EXOSC4: variants seen among roughly 807,000 people sequenced by gnomAD.
EXOSC4 encodes exosome complex component RRP41.
Under a neutral mutation model 20.0 loss-of-function variants are expected in EXOSC4, and 14 were observed. That is an observed-to-expected ratio of 0.70 (90% confidence interval 0.46 to 1.09). The LOEUF (loss-of-function observed/expected upper bound fraction) is 1.09. Among genes scored for constraint, EXOSC4 ranks in the 50% least tolerant of loss-of-function variants. EXOSC4 has a pLI of 0.00. For missense variants in EXOSC4, 337 were observed against 334.0 expected (o/e 1.01, Z -0.07); for synonymous variants, 148 against 146.4 (o/e 1.01, Z -0.08).
the EXOSC4 span, among the ~76,000 whole-genome samples, chr8:144,065,038 G>T: frequency 6.6e-6 from 1 of 151,694 alleles, no homozygotes. Flanking sequence ...GTAGAGTCGG[G>T]GTTTCACTGT....
At chr8:144,079,231 G>C in intron 1 of EXOSC4, 2 of 265,646 alleles carry the variant, frequency 7.5e-6, no homozygotes, top group Non-Finnish European at 7.0e-6. Context: ...GGTACTTCTC[G>C]CCCTACAATA....
chr8:144,064,398 A>G, the EXOSC4 span, among the ~76,000 whole-genome samples: 6 of 152,232 alleles, frequency 3.9e-5, no homozygotes, highest in Non-Finnish European at 7.3e-5. Context: ...TGAAGGGATC[A>G]GGAAGGGTGG....
chr8:144,075,427 C>T (rs1378663527), upstream of EXOSC4, among the ~76,000 whole-genome samples: 2 of 152,136 alleles, frequency 1.3e-5, no homozygotes, highest in African/African-American at 2.4e-5. Context: ...AGGGTTTCAC[C>T]GTGTTGGCCA....
At chr8:144,077,652 C>T (rs1443705077), upstream of EXOSC4, among the ~76,000 whole-genome samples, 2 of 152,356 alleles carry the variant, frequency 1.3e-5, no homozygotes, top group African/African-American at 4.8e-5. Context: ...ATCTGTCTGA[C>T]TGCCTTGACC....
the EXOSC4 span, among the ~76,000 whole-genome samples, chr8:144,066,733 G>A: frequency 1.3e-5 from 2 of 151,888 alleles, no homozygotes; most frequent in Non-Finnish European, 2.9e-5. Context: ...TTACAAGTAT[G>A]AGCCACCAAG....
chr8:144,080,481 C>G lies in EXOSC4; in HGVS notation c.618C>G (p.His206Gln). ...IALLEMDARL[H>Q]EDHLERVLEA... Reference sequence around the variant, plus strand: ...TGCTTGAGATGGATGCCCGGCTGCACGAGGACCACCTGGAGCGGGTGTTGG... The same window carrying G: ...TGCTTGAGATGGATGCCCGGCTGCAGGAGGACCACCTGGAGCGGGTGTTGG... Residue 206 changes from histidine (H) to glutamine (Q), a missense_variant, in exon 3 of 3, where the codon CAC (histidine) becomes CAG (glutamine). Physicochemically the swap from His to Gln is conservative, Grantham distance 24. Transcript: ENST00000316052. This position sits in a 1 kb window ranked among gnomAD's most constrained non-coding sequence, Gnocchi z 4.9. The G allele has an allele frequency of 6.2e-7, 1 of 1,607,674 alleles. No individual in the cohort carries two copies. Among genetic ancestry groups the G allele is most frequent in the East Asian group, 2.2e-5 (1 of 44,882 alleles).
upstream of EXOSC4, among the ~76,000 whole-genome samples, chr8:144,077,505 G>A (rs1327819741): frequency 6.6e-6 from 1 of 152,040 alleles, no homozygotes; most frequent in Non-Finnish European, 1.5e-5. Flanking sequence ...ACCTTGGAGG[G>A]GATGCTGTGA....
At position 144,080,186 on chromosome 8, in the gene EXOSC4, GGT is replaced by G. The variant is rs782058158; in HGVS notation, c.378+41_378+42del. 9.3e-6 allele frequency: 15 copies of G among 1,608,098 alleles called. No homozygotes were observed. The East Asian group carries it at 3.3e-4, about 36-fold the overall frequency. On this transcript the variant is annotated intron_variant, in intron 2 of 2. Transcript: ENST00000316052. The surrounding 1 kb of genome is among the most constrained non-coding windows in gnomAD (Gnocchi z 4.9). ...GCAGCCGTCAATCCAGGGAGGGAAG[GGT>G]GTGATGGGGTTGGGGAGGGAGTCTG...
chr8:144,068,035 G>A, the EXOSC4 span, among the ~76,000 whole-genome samples: 1 of 152,196 alleles, frequency 6.6e-6, no homozygotes, highest in Non-Finnish European at 1.5e-5. Context: ...GGAAGCACAG[G>A]GAGGGGTTTT....
chr8:144,068,307 C>T, the EXOSC4 span, among the ~76,000 whole-genome samples: 23 of 152,334 alleles, frequency 1.5e-4, no homozygotes, highest in African/African-American at 3.8e-4. Flanking sequence ...CTGGAGGCTA[C>T]GCTTCCCTGC....
At chr8:144,066,000 T>C in the EXOSC4 span, among the ~76,000 whole-genome samples, 1 of 146,112 alleles carries the variant, frequency 6.8e-6, no homozygotes, top group South Asian at 2.2e-4. Context: ...TTTTTTTTGG[T>C]AGAAACAGGG....
At position 144,078,928 on chromosome 8, in the gene EXOSC4, T is replaced by A; in HGVS notation, c.171+29T>A. The A allele has an allele frequency of 6.9e-7, 1 of 1,449,244 alleles. No individual in the cohort carries two copies. The highest frequency in any genetic ancestry group is 1.4e-5 in the South Asian group (1 of 69,354). The allele number at this position is 1,449,244 out of a possible 1,614,324, so 89.8% of individuals were successfully genotyped here. On this transcript the variant is annotated intron_variant, in intron 1 of 2. Coordinates refer to ENST00000316052, the MANE Select transcript of EXOSC4 (RefSeq NM_019037.3). The surrounding 1 kb of genome is among the most constrained non-coding windows in gnomAD (Gnocchi z 4.7). ...AGTGGGCGCGCGGGATGGGGAATCG[T>A]GTGGCCGTGGGAGCTGCGGGGCAGC...
intron 1 of EXOSC4, chr8:144,079,182 C>T: frequency 2.9e-6 from 1 of 346,336 alleles, no homozygotes; most frequent in East Asian, 4.7e-5. Flanking sequence ...CAGCTCTACT[C>T]CGACGTCACT....
the EXOSC4 span, among the ~76,000 whole-genome samples, chr8:144,064,943 G>C: frequency 1.3e-5 from 2 of 149,046 alleles, no homozygotes; most frequent in African/African-American, 2.5e-5. Context: ...CCAGGTTCAC[G>C]CCATTCTCCT....
In EXOSC4 at chr8:144,080,093, G is replaced by A. The variant is rs781997916; in HGVS notation, c.322G>A (p.Glu108Lys). 4 of 1,613,944 alleles carry A rather than the reference G, an allele frequency of 2.5e-6. No individual in the cohort carries two copies. The highest frequency in any genetic ancestry group is 1.3e-5 in the African/African-American group (1 of 74,948). Residue 108 changes from glutamate to lysine, a missense_variant, in exon 2 of 3, where the codon GAA becomes AAA. Physicochemically the swap from Glu to Lys is moderately conservative, Grantham distance 56. Coordinates refer to ENST00000316052, the MANE Select transcript of EXOSC4 (RefSeq NM_019037.3). This position sits in a 1 kb window ranked among gnomAD's most constrained non-coding sequence, Gnocchi z 4.9. ...GGGCCTGCAGCTCCGCCAGACTTTC[G>A]AAGCAGCCATCCTCACACAGCTGCA... ...EMGLQLRQTF[E>K]AAILTQLHPR...
chr8:144,080,634 T>C lies in EXOSC4; in HGVS notation c.*33T>C, dbSNP rs782613941. 10 of 1,581,962 alleles carry C rather than the reference T, an allele frequency of 6.3e-6. No homozygotes were observed. The highest frequency in any genetic ancestry group is 1.7e-6 in the Non-Finnish European group (2 of 1,170,346). On this transcript the variant is annotated 3_prime_UTR_variant, in exon 3 of 3. Transcript: ENST00000316052. The surrounding 1 kb of genome is among the most constrained non-coding windows in gnomAD (Gnocchi z 4.9). The stretch of plus-strand genomic sequence containing the variant: ...GCCACCCATGTCCAGAATAAAACCC[T>C]CCTCTGCCCACACACCCCTCACTGT...
the EXOSC4 span, among the ~76,000 whole-genome samples, chr8:144,070,523 C>CA: frequency 0.19 from 17,251 of 92,910 alleles, 1,781 homozygotes; most frequent in African/African-American, 0.36. Flanking sequence ...AACTCCATCT[C>CA]AAAAAAAAAA....
upstream of EXOSC4, chr8:144,078,571 A>G (rs971321276): frequency 2.7e-6 from 2 of 742,514 alleles, no homozygotes; most frequent in African/African-American, 3.7e-5. The surrounding 1 kb of genome is among the most constrained non-coding windows in gnomAD (Gnocchi z 4.7). Flanking sequence ...CCGCAGATCC[A>G]CGGAGGTCAG....
chr8:144,077,605 G>T (rs1835847903), upstream of EXOSC4, among the ~76,000 whole-genome samples: 2 of 152,164 alleles, frequency 1.3e-5, 1 homozygote, highest in South Asian at 4.1e-4. Flanking sequence ...CCCACTGAAG[G>T]GTGGGGTCCC....
Sources: allele counts gnomAD v4.1 joint callset (sites outside exome capture counted in the v4.1 genomes callset), GRCh38; gene constraint gnomAD v4.1.1; non-coding constraint Gnocchi (gnomAD v3.1); transcripts MANE v1.5; gene names NCBI Gene and HGNC (gene_info 2026-07-23, HGNC 2026-07-21).